CDH12: variants seen among roughly 807,000 people sequenced by gnomAD.
The protein encoded by CDH12 is cadherin-12.
In CDH12, 41 loss-of-function variants were observed where a neutral mutation model predicts 74.1. That is an observed-to-expected ratio of 0.55 (90% CI 0.43 to 0.72). The LOEUF (loss-of-function observed/expected upper bound fraction) is 0.72, where lower values mean the gene tolerates loss of function less well. Among genes scored for constraint, CDH12 ranks in the 30% least tolerant of loss-of-function variants. The pLI, the probability that CDH12 is intolerant of heterozygous loss-of-function variation, is 0.00. For missense variants in CDH12, 945 were observed against 977.2 expected, an observed-to-expected ratio of 0.97 and a Z score of 0.44; for synonymous variants, 399 against 355.0, an observed-to-expected ratio of 1.12 and a Z score of -1.39.
chr5:22,666,596 A>G (rs1044370047), intron 1 of CDH12, among the ~76,000 whole-genome samples: 13 of 151,914 alleles, frequency 8.6e-5, no homozygotes, highest in African/African-American at 3.1e-4. Flanking sequence ...GGCCCTCTCT[A>G]TCTTACCAGT....
intron 1 of CDH12, among the ~76,000 whole-genome samples, chr5:22,510,467 G>C (rs193223309): frequency 6.6e-6 from 1 of 152,078 alleles, no homozygotes; most frequent in Non-Finnish European, 1.5e-5. Context: ...GAAAAGAACA[G>C]ACTTTTAAAT....
intron 1 of CDH12, among the ~76,000 whole-genome samples, chr5:22,805,440 AAG>A: frequency 1.3e-5 from 2 of 152,162 alleles, no homozygotes; most frequent in Non-Finnish European, 2.9e-5. Context: ...TTACATCTAA[AAG>A]AGAGGATTAT....
intron 1 of CDH12, among the ~76,000 whole-genome samples, chr5:22,631,800 A>G (rs952578751): frequency 3.9e-5 from 6 of 152,116 alleles, no homozygotes; most frequent in Non-Finnish European, 7.4e-5. Context: ...AGCACTTTAC[A>G]TGACTGGAGC....
chr5:22,265,468 CTGTTTAAAGA>C (rs1753670921), intron 3 of CDH12, among the ~76,000 whole-genome samples: 1 of 152,122 alleles, frequency 6.6e-6, no homozygotes. Context: ...ATTCAGCTTT[CTGTTTAAAGA>C]GAAAGGTTCT....
At chr5:22,352,844 A>G in intron 3 of CDH12, among the ~76,000 whole-genome samples, 1 of 152,212 alleles carries the variant, frequency 6.6e-6, no homozygotes, top group East Asian at 1.9e-4. Flanking sequence ...CTAGCATAAG[A>G]ACTAGTAACA....
Position 22,549,896 on chromosome 5 carries a change from G to A in CDH12, c.-522-44532C>T, listed in dbSNP as rs116413076. On this transcript the variant is annotated intron_variant, in intron 1 of 14. Coordinates refer to ENST00000382254, the MANE Select transcript of CDH12 (RefSeq NM_004061.5). ...GTGAGCTCCTCATACAGCAAAACTC[G>A]TGACAGCTCTAACTGTATTTGCTGT... Among the ~76,000 whole-genome samples the A allele has an allele frequency of 2.6e-3, 402 of 152,184 alleles. 5 individuals carry two copies. The highest frequency in any genetic ancestry group is 9.4e-3 in the African/African-American group (391 of 41,534).
intron 4 of CDH12, among the ~76,000 whole-genome samples, chr5:22,079,523 T>C (rs1742574664): frequency 6.6e-6 from 1 of 152,170 alleles, no homozygotes; most frequent in African/African-American, 2.4e-5. Context: ...CGAATCATCT[T>C]ACTAAAATGT....
At chr5:22,545,716 A>G (rs1394862797) in intron 1 of CDH12, among the ~76,000 whole-genome samples, 1 of 152,196 alleles carries the variant, frequency 6.6e-6, no homozygotes, top group African/African-American at 2.4e-5. Flanking sequence ...GATGTATAAA[A>G]ATAATAATTG....
At chr5:22,643,220 A>G (rs1739242677) in intron 1 of CDH12, among the ~76,000 whole-genome samples, 1 of 152,162 alleles carries the variant, frequency 6.6e-6, no homozygotes, top group African/African-American at 2.4e-5. Context: ...TTCTCAGCCC[A>G]TAAGTCTGTA....
At chr5:22,833,030 C>T (rs1332330239) in intron 1 of CDH12, among the ~76,000 whole-genome samples, 1 of 152,144 alleles carries the variant, frequency 6.6e-6, no homozygotes, top group South Asian at 2.1e-4. Context: ...AAGTGCTCTA[C>T]AGCCAGTGAT....
rs114692176 is a variant in CDH12 at position 21,773,933 on chromosome 5, G to A, written c.1394-8834C>T. ...TTAGTGTGCTTCTGGTTGTAAGAAG[G>A]ATAACTGTACTATGTTAGGCATAAT... On this transcript the variant is annotated intron_variant, in intron 11 of 14. Transcript: ENST00000382254. 6.3e-3 allele frequency among the ~76,000 whole-genome samples: 965 copies of A among 152,194 alleles called. 12 individuals carry two copies. The highest frequency in any genetic ancestry group is 0.022 in the African/African-American group (901 of 41,516).
intron 1 of CDH12, among the ~76,000 whole-genome samples, chr5:22,530,419 T>A (rs1279658168): frequency 6.6e-6 from 1 of 152,022 alleles, no homozygotes; most frequent in African/African-American, 2.4e-5. Flanking sequence ...AGGGGCAGAG[T>A]TTAAAGATGT....
At chr5:22,179,297 A>G (rs187148106) in intron 4 of CDH12, among the ~76,000 whole-genome samples, 5 of 152,274 alleles carry the variant, frequency 3.3e-5, no homozygotes, top group Admixed American at 3.3e-4. Flanking sequence ...TTGTGTTGTT[A>G]TCAAATATGG....
chr5:22,348,281 C>G (rs77790219), intron 3 of CDH12, among the ~76,000 whole-genome samples: 73 of 152,052 alleles, frequency 4.8e-4, no homozygotes, highest in Non-Finnish European at 8.4e-4. Flanking sequence ...AATAAAATGA[C>G]GAGGTTCACT....
intron 3 of CDH12, among the ~76,000 whole-genome samples, chr5:22,391,950 G>T (rs943632520): frequency 2.0e-5 from 3 of 152,148 alleles, no homozygotes; most frequent in Non-Finnish European, 4.4e-5. Flanking sequence ...GAGAACTTGA[G>T]ATTTAAGCAA....
In CDH12 at chr5:22,346,005, C is replaced by T. The variant is rs1050043150; in HGVS notation, c.-333+59252G>A. Among the ~76,000 whole-genome samples, 5 of 150,750 alleles carry T rather than the reference C, an allele frequency of 3.3e-5. No homozygotes were observed. In the East Asian group the frequency reaches 9.9e-4, roughly 30 times the overall value. On this transcript the variant is annotated intron_variant, in intron 3 of 14. Coordinates refer to ENST00000382254, the MANE Select transcript of CDH12 (RefSeq NM_004061.5). ...TCTGTAATTCCAGCTACTCGGGAGG[C>T]TGAGGCAAGAGAATCACTTGAACCC...
At chr5:22,843,445 A>G (rs1467624354) in intron 1 of CDH12, among the ~76,000 whole-genome samples, 1 of 152,116 alleles carries the variant, frequency 6.6e-6, no homozygotes, top group East Asian at 1.9e-4. Flanking sequence ...TAGAGCCAGA[A>G]AAAATGAAGT....
intron 1 of CDH12, among the ~76,000 whole-genome samples, chr5:22,543,965 C>G (rs1472445728): frequency 6.6e-6 from 1 of 151,692 alleles, no homozygotes; most frequent in East Asian, 1.9e-4. Context: ...AGTCTGTGAT[C>G]TGCTAAAGCC....
Position 21,951,971 on chromosome 5 carries a change from T to C in CDH12, c.526+23120A>G, listed in dbSNP as rs531674610. Among the ~76,000 whole-genome samples the C allele has an allele frequency of 7.6e-3, 1,154 of 152,234 alleles. 14 individuals carry two copies. The highest frequency in any genetic ancestry group is 0.026 in the African/African-American group (1,096 of 41,542). On this transcript the variant is annotated intron_variant, in intron 6 of 14. Coordinates refer to ENST00000382254, the MANE Select transcript of CDH12 (RefSeq NM_004061.5). ...GAACTGAACTGGCAGGAAAAGACAA[T>C]GGAGAAGCCACAAAGAGGAGTAGCT...
Sources: allele counts gnomAD v4.1 joint callset (sites outside exome capture counted in the v4.1 genomes callset), GRCh38; gene constraint gnomAD v4.1.1; transcripts MANE v1.5; gene names NCBI Gene and HGNC (gene_info 2026-07-23, HGNC 2026-07-21).